Variants in KALRN observed in about 807,000 individuals in gnomAD.
The protein encoded by KALRN is kalirin RhoGEF kinase.
Under a neutral mutation model 353.7 loss-of-function variants are expected in KALRN, and 70 were observed. The ratio of observed to expected loss-of-function variants is 0.20; its 90% CI spans 0.16 to 0.24. The LOEUF (loss-of-function observed/expected upper bound fraction) is 0.24. KALRN is among the 10% of genes least tolerant of loss of function. The pLI, the probability that KALRN is intolerant of heterozygous loss-of-function variation, is 1.00. For synonymous variants in KALRN, 1,391 were observed against 1,434.8 expected, an observed-to-expected ratio of 0.97 and a Z score of 0.69; for missense variants, 2,791 against 3,756.7, an observed-to-expected ratio of 0.74 and a Z score of 6.72.
intron 37 of KALRN, among the ~76,000 whole-genome samples, chr3:124,640,857 C>G (rs1172688391): frequency 2.0e-5 from 3 of 152,168 alleles, no homozygotes; most frequent in Admixed American, 6.5e-5. Context: ...GAGTTTTCTT[C>G]GTTCCATATG....
intron 13 of KALRN, among the ~76,000 whole-genome samples, chr3:124,399,376 G>C (rs1243645016): frequency 1.3e-5 from 2 of 152,178 alleles, no homozygotes; most frequent in African/African-American, 4.8e-5. Context: ...GACCTCAGGT[G>C]ATCCGCCTGC....
At chr3:124,697,748 T>C (rs2062121412) in intron 55 of KALRN, 24 bp downstream of exon 55, 1 of 1,494,438 alleles carries the variant, frequency 6.7e-7, no homozygotes, top group African/African-American at 1.4e-5. Context: ...TGCTCTTCTT[T>C]TTCTTTTCTC....
chr3:124,078,241 G>A (rs2060358476), intron 1 of KALRN, among the ~76,000 whole-genome samples: 2 of 152,162 alleles, frequency 1.3e-5, no homozygotes, highest in Admixed American at 1.3e-4. Flanking sequence ...TCAACTGTAT[G>A]TTGTTTGAGG....
intron 1 of KALRN, among the ~76,000 whole-genome samples, chr3:124,166,953 G>A (rs1034898529): frequency 1.3e-4 from 20 of 152,236 alleles, no homozygotes; most frequent in Admixed American, 3.3e-4. Context: ...ACTGAGACAG[G>A]AGAATCATTT....
At chr3:124,636,866 G>A (rs972533841) in intron 36 of KALRN, among the ~76,000 whole-genome samples, 5 of 152,180 alleles carry the variant, frequency 3.3e-5, no homozygotes, top group African/African-American at 4.8e-5. Flanking sequence ...TTTGCCCACA[G>A]AGCAGTAGCC....
At chr3:124,225,271 T>C (rs1423074281) in intron 1 of KALRN, among the ~76,000 whole-genome samples, 1 of 152,234 alleles carries the variant, frequency 6.6e-6, no homozygotes, top group African/African-American at 2.4e-5. Context: ...AAGTTATATG[T>C]AATTTAATTT....
intron 1 of KALRN, among the ~76,000 whole-genome samples, chr3:124,081,626 C>G (rs912994448): frequency 2.0e-5 from 3 of 152,086 alleles, no homozygotes; most frequent in Non-Finnish European, 4.4e-5. Context: ...CAAAAATTAG[C>G]TGGATGTGGT....
intron 1 of KALRN, among the ~76,000 whole-genome samples, chr3:124,050,343 C>T (rs1382347592): frequency 6.6e-6 from 1 of 152,194 alleles, no homozygotes; most frequent in Non-Finnish European, 1.5e-5. Flanking sequence ...ATATGGATCC[C>T]AGCTTGCTCA....
At chr3:124,061,061 A>G (rs1273872348) in intron 1 of KALRN, among the ~76,000 whole-genome samples, 3 of 152,230 alleles carry the variant, frequency 2.0e-5, no homozygotes, top group Non-Finnish European at 4.4e-5. Context: ...GACAGTGACG[A>G]TAGGGCCTTA....
At chr3:124,565,485 G>A (rs892496588) in intron 34 of KALRN, among the ~76,000 whole-genome samples, 4 of 152,192 alleles carry the variant, frequency 2.6e-5, no homozygotes, top group African/African-American at 9.7e-5. Flanking sequence ...CACTTTAGTT[G>A]TCATGATAAG....
intron 1 of KALRN, among the ~76,000 whole-genome samples, chr3:124,061,930 A>T (rs1443358366): frequency 1.1e-5 from 1 of 89,860 alleles, no homozygotes; most frequent in East Asian, 4.1e-4. Context: ...AGAACAACAG[A>T]AGAGCAGTTA....
rs190066297 is a variant in KALRN at position 124,358,549 on chromosome 3, C to A, written c.1770+11284C>A. ...TTGAGTCCAAGACAACTCTTCTAGT[C>A]ACAGACTGCTTTTGATTCAATATAG... On this transcript the variant is annotated intron_variant, in intron 10 of 59. Transcript: ENST00000682506. Among the ~76,000 whole-genome samples, 168 of 152,258 alleles carry A rather than the reference C, an allele frequency of 1.1e-3. No individual in the cohort carries two copies. In the Middle Eastern group the frequency reaches 0.017, roughly 15 times the overall value.
chr3:124,227,676 T>G (rs1396667796), intron 1 of KALRN, among the ~76,000 whole-genome samples: 3 of 23,828 alleles, frequency 1.3e-4, no homozygotes, highest in East Asian at 1.3e-3. Context: ...TTTTTTTTTT[T>G]TTTTTTTTTT....
In KALRN at chr3:124,088,970, T is replaced by C. The variant is rs184367133; in HGVS notation, c.73+55157T>C. Among the ~76,000 whole-genome samples the C allele has an allele frequency of 7.3e-3, 1,108 of 151,956 alleles. 16 individuals carry two copies. The highest frequency in any genetic ancestry group is 0.026 in the African/African-American group (1,072 of 41,430). The stretch of plus-strand genomic sequence containing the variant: ...TATGTAGGGAGCCAGGGCATTCAGG[T>C]GAGTCAGATATTCTGATTTAACAGT... On this transcript the variant is annotated intron_variant, in intron 1 of 59. Coordinates refer to ENST00000682506, the MANE Select transcript of KALRN (RefSeq NM_001388419.1).
rs373969743 is a variant in KALRN, at chr3:124,550,989, A to AAAAT, written c.4936-11834_4936-11831dup. ...GGGTGACAGAGCAAGACTCCGTCTC[A>AAAAT]AAATAAATAAATAAATAAATAAAAA... On this transcript the variant is annotated intron_variant, in intron 33 of 59. Transcript: ENST00000682506. Among the ~76,000 whole-genome samples, 1,418 of 152,216 alleles carry AAAAT rather than the reference A, an allele frequency of 9.3e-3. 6 individuals are homozygous for AAAAT. Among genetic ancestry groups the AAAAT allele is most frequent in the Non-Finnish European group, 0.014 (974 of 67,990 alleles).
intron 38 of KALRN, 89 bp from the exon 39 acceptor site, chr3:124,655,512 G>A (rs374028773): frequency 5.1e-6 from 5 of 983,462 alleles, no homozygotes; most frequent in Non-Finnish European, 8.2e-6. Flanking sequence ...TGTTATAAAG[G>A]TGCCAAAGTA....
At chr3:124,240,348 G>A (rs530994372) in intron 3 of KALRN, among the ~76,000 whole-genome samples, 23 of 152,260 alleles carry the variant, frequency 1.5e-4, no homozygotes, top group African/African-American at 5.3e-4. Flanking sequence ...CCTCAACCTG[G>A]GTAATTTGGG....
At chr3:124,418,443 T>C (rs986909459) in intron 14 of KALRN, among the ~76,000 whole-genome samples, 2 of 152,084 alleles carry the variant, frequency 1.3e-5, no homozygotes, top group African/African-American at 2.4e-5. Flanking sequence ...TAAAGGACTT[T>C]GTGATTTCTG....
intron 33 of KALRN, among the ~76,000 whole-genome samples, chr3:124,537,914 A>C (rs901501953): frequency 6.6e-6 from 1 of 152,206 alleles, no homozygotes; most frequent in African/African-American, 2.4e-5. Context: ...TCTTCTGTTC[A>C]TGAGATGTTT....
Sources: allele counts gnomAD v4.1 joint callset (sites outside exome capture counted in the v4.1 genomes callset), GRCh38; gene constraint gnomAD v4.1.1; transcripts MANE v1.5; gene names NCBI Gene and HGNC (gene_info 2026-07-23, HGNC 2026-07-21).